AKAP9: variants seen among roughly 807,000 people sequenced by gnomAD.
AKAP9 encodes the protein A-kinase anchor protein 9.
In AKAP9, 311 loss-of-function variants were observed where a neutral mutation model predicts 488.5. That is an observed-to-expected ratio of 0.64 (90% CI 0.58 to 0.70). The LOEUF (loss-of-function observed/expected upper bound fraction) is 0.70. Among genes scored for constraint, AKAP9 ranks in the 30% least tolerant of loss-of-function variants. AKAP9 has a pLI of 0.00. For missense variants in AKAP9, 4,215 were observed against 4,374.5 expected (o/e 0.96, Z 1.03); for synonymous variants, 1,462 against 1,483.5 (o/e 0.99, Z 0.33).
Position 92,038,756 on chromosome 7 carries a change from T to A in AKAP9, c.4676T>A (p.Phe1559Tyr). Residue 1559 changes from phenylalanine to tyrosine, a missense_variant, in exon 17 of 50, where the codon TTT becomes TAT. Physicochemically the swap from Phe to Tyr is conservative, Grantham distance 22. This residue lies in a region of AKAP9 where 2,361 missense variants were observed against 2,430.0 expected (regional missense o/e 0.97). Coordinates refer to ENST00000356239, the MANE Select transcript of AKAP9 (RefSeq NM_005751.5). ...SEEMFSKDKT[F>Y]IVRQSIHDEI... ...GAAATGTTCTCCAAAGATAAAACATTTATAGTTAGACAGTCTGTAAGTATG... is the reference window on the plus strand; with the variant it reads ...GAAATGTTCTCCAAAGATAAAACATATATAGTTAGACAGTCTGTAAGTATG... 2 of 1,604,158 alleles carry A rather than the reference T, an allele frequency of 1.2e-6. No homozygotes were observed. Among genetic ancestry groups the A allele is most frequent in the Non-Finnish European group, 1.7e-6 (2 of 1,175,596 alleles).
chr7:92,007,013 AT>A (rs1799959854), intron 8 of AKAP9, among the ~76,000 whole-genome samples: 2 of 152,180 alleles, frequency 1.3e-5, no homozygotes, highest in Middle Eastern at 3.4e-3. Flanking sequence ...GCAGTTAATA[AT>A]TTTTTTAAAT....
rs529676617 is a variant in AKAP9, at chr7:91,974,598, G to A, written c.306+630G>A. On this transcript the variant is annotated intron_variant, in intron 2 of 49. Transcript: ENST00000356239. ...GTTTTGGCTGTTGCCTTGCATTTCC[G>A]TATCAATTTTAGGGTCAGGTTTTTC... 2.5e-4 allele frequency among the ~76,000 whole-genome samples: 38 copies of A among 152,096 alleles called. No individual in the cohort carries two copies. The South Asian group carries it at 7.1e-3, about 28-fold the overall frequency.
chr7:92,030,147 A>G (rs1266907949), intron 15 of AKAP9, among the ~76,000 whole-genome samples, 156 bp downstream of exon 15: 1 of 152,264 alleles, frequency 6.6e-6, no homozygotes, highest in African/African-American at 2.4e-5. Context: ...ATACACATGT[A>G]AAGAAATTTA....
chr7:92,109,490 T>A (rs1819028780), intron 49 of AKAP9, among the ~76,000 whole-genome samples: 1 of 152,170 alleles, frequency 6.6e-6, no homozygotes, highest in Non-Finnish European at 1.5e-5. Flanking sequence ...ACCCAGATTT[T>A]GAAGACCAAA....
intron 7 of AKAP9, among the ~76,000 whole-genome samples, chr7:91,997,903 T>A (rs1798598178): frequency 6.6e-6 from 1 of 152,124 alleles, no homozygotes. Context: ...AAGTAATAAT[T>A]CTATCGGCAG....
intron 2 of AKAP9, among the ~76,000 whole-genome samples, chr7:91,978,458 ACT>A (rs1562926178): frequency 6.6e-6 from 1 of 151,622 alleles, no homozygotes; most frequent in Non-Finnish European, 1.5e-5. Context: ...AAAGGGTGAA[ACT>A]CTCTGGAGAG....
chr7:92,029,310 G>C (rs1803840168), intron 14 of AKAP9, among the ~76,000 whole-genome samples: 1 of 152,142 alleles, frequency 6.6e-6, no homozygotes, highest in Non-Finnish European at 1.5e-5. Context: ...TACCACCACT[G>C]CTCCTGACTG....
chr7:92,009,206 A>G (rs540707905), intron 8 of AKAP9, among the ~76,000 whole-genome samples: 2 of 152,210 alleles, frequency 1.3e-5, no homozygotes, highest in Admixed American at 1.3e-4. Context: ...TGATTGCACC[A>G]TTGTACTTCA....
intron 32 of AKAP9, 127 bp downstream of exon 32, chr7:92,082,789 T>C: frequency 8.6e-7 from 1 of 1,156,598 alleles, no homozygotes; most frequent in Non-Finnish European, 1.2e-6. Context: ...ATTTTGTGGA[T>C]TTGATGAAAA....
chr7:91,958,206 T>TAAATATTTCCTGCA (rs1793296276), intron 1 of AKAP9, among the ~76,000 whole-genome samples: 2 of 152,354 alleles, frequency 1.3e-5, no homozygotes, highest in Admixed American at 1.3e-4. Context: ...TATTTTTTAG[T>TAAATATTTCCTGCA]AAATATTTCC....
chr7:91,948,090 A>G (rs953456959), intron 1 of AKAP9, among the ~76,000 whole-genome samples: 3 of 152,206 alleles, frequency 2.0e-5, no homozygotes, highest in Non-Finnish European at 4.4e-5. Context: ...TATGTTTTCA[A>G]GGTTCATCCA....
Position 92,074,144 on chromosome 7 carries a change from A to AATCT in AKAP9, c.6613-2709_6613-2706dup, listed in dbSNP as rs565408328. On this transcript the variant is annotated intron_variant, in intron 28 of 49. Transcript: ENST00000356239. ...CATCTGACAAAGGGCTAATATCCAGAATCTACAAAGAACTTAAACAAATTT... is the reference window on the plus strand; with the variant it reads ...CATCTGACAAAGGGCTAATATCCAGAATCTATCTACAAAGAACTTAAACAAATTT... Among the ~76,000 whole-genome samples the AATCT allele has an allele frequency of 3.9e-5, 6 of 152,342 alleles. No individual in the cohort carries two copies. In the East Asian group the frequency reaches 1.2e-3, roughly 29 times the overall value.
At position 92,002,358 on chromosome 7, in the gene AKAP9, A is replaced by G; in HGVS notation, c.2441A>G (p.Lys814Arg). The change falls in exon 8 of 50, where the codon AAA becomes AGA. Residue 814 changes from lysine to arginine, a missense_variant. Lys to Arg is a conservative substitution (Grantham distance 26). Transcript: ENST00000356239. Reference sequence around the variant, plus strand: ...TTAGACTCCATTAAGTCCAAATCCAAAGACTCTGTGTGGGAAAAAGAAATA... The same window carrying G: ...TTAGACTCCATTAAGTCCAAATCCAGAGACTCTGTGTGGGAAAAAGAAATA... ...IFLDSIKSKS[K>R]DSVWEKEIEI... 3 of 1,612,854 alleles carry G rather than the reference A, an allele frequency of 1.9e-6. No individual in the cohort carries two copies. The highest frequency in any genetic ancestry group is 1.7e-6 in the Non-Finnish European group (2 of 1,179,376).
At chr7:91,968,930 G>C (rs1794734182) in intron 1 of AKAP9, among the ~76,000 whole-genome samples, 1 of 152,020 alleles carries the variant, frequency 6.6e-6, no homozygotes, top group African/African-American at 2.4e-5. Context: ...GGAGTGCAGT[G>C]GTGTGAACAT....
rs1584452484 is a variant in AKAP9 at position 92,077,692 on chromosome 7, C to T, written c.6766-4C>T. 1 of 1,612,620 alleles carries T rather than the reference C, an allele frequency of 6.2e-7. No homozygotes were observed. The highest frequency in any genetic ancestry group is 1.7e-4 in the Middle Eastern group (1 of 6,050). On this transcript the variant is annotated splice_polypyrimidine_tract_variant and splice_region_variant and intron_variant, in intron 29 of 49. Coordinates refer to ENST00000356239, the MANE Select transcript of AKAP9 (RefSeq NM_005751.5). ...CCAACTGTGATAATTATTTTTGTTC[C>T]TAGGATGACATGGAGAAACTGGGAC...
intron 15 of AKAP9, among the ~76,000 whole-genome samples, chr7:92,030,928 C>T (rs1804133362): frequency 6.6e-6 from 1 of 152,186 alleles, no homozygotes; most frequent in Non-Finnish European, 1.5e-5. Context: ...CATCGTTCTT[C>T]CTCGCTCAGT....
At chr7:92,107,536 T>C in intron 48 of AKAP9, 114 bp downstream of exon 48, 2 of 1,084,094 alleles carry the variant, frequency 1.8e-6, no homozygotes, top group Non-Finnish European at 1.4e-6. Context: ...ATCTTTGTTA[T>C]ATATAATTTA....
chr7:91,949,158 A>AAT (rs140892789), intron 1 of AKAP9, among the ~76,000 whole-genome samples: 16 of 151,674 alleles, frequency 1.1e-4, no homozygotes, highest in South Asian at 2.1e-4. Context: ...ATGTATATAA[A>AAT]ATATATATAT....
intron 48 of AKAP9, chr7:92,107,750 C>A (rs569259910): frequency 2.3e-4 from 58 of 252,084 alleles, no homozygotes; most frequent in African/African-American, 1.3e-3. Context: ...ACTTGGGAGG[C>A]TGAGGCAGGA....
Sources: gnomAD v4.1 joint callset for allele counts (sites outside exome capture counted in the v4.1 genomes callset) on GRCh38, gnomAD v4.1.1 for gene constraint, gnomAD v4.1.1 regional missense constraint, MANE v1.5 for transcripts, NCBI Gene and HGNC (gene_info 2026-07-23, HGNC 2026-07-21) for gene names.